The following SCML2 variants were observed in gnomAD, a reference collection of about 807,000 sequenced individuals.
SCML2 encodes the protein sex comb on midleg-like protein 2.
SCML2 carries 6 observed loss-of-function variants against 48.4 expected under a neutral mutation model. That is an observed-to-expected ratio of 0.12 (90% CI 0.07 to 0.24). The LOEUF (loss-of-function observed/expected upper bound fraction) is 0.24. Ranked by LOEUF, SCML2 falls within the 10% of genes least tolerant of loss-of-function variation. SCML2 has a pLI of 1.00. For synonymous variants in SCML2, 181 were observed against 189.5 expected (o/e 0.95, Z 0.37); for missense variants, 377 against 528.2 (o/e 0.71, Z 2.81).
chrX:18,262,160 A>G (rs1334842888), intron 8 of SCML2, among the ~76,000 whole-genome samples: 2 of 108,320 alleles, frequency 1.8e-5, no homozygotes, highest in African/African-American at 7.1e-5. Flanking sequence ...TAATTCAGTC[A>G]GCCACAAGAG....
At chrX:18,348,900 T>G (rs1465500266) in intron 1 of SCML2, among the ~76,000 whole-genome samples, 1 of 111,569 alleles carries the variant, frequency 9.0e-6, no homozygotes, top group South Asian at 3.7e-4. Flanking sequence ...CAGCTAAAAC[T>G]GATGAAAGGT....
chrX:18,242,581 T>C lies in SCML2; in HGVS notation c.1832A>G (p.Tyr611Cys). Reference protein sequence around the residue: ...QMQRKSEAPSYIAVPDPSVLK... With the variant: ...QMQRKSEAPSCIAVPDPSVLK... ...GACACTGGGATCAGGTACAGCTATATAACTTGGAGCTTCAATGGGGGGGAA... is the reference window on the plus strand; with the variant it reads ...GACACTGGGATCAGGTACAGCTATACAACTTGGAGCTTCAATGGGGGGGAA... The change falls in exon 14 of 15, where the codon TAT (tyrosine) becomes TGT (cysteine). Residue 611 changes from tyrosine (Y) to cysteine (C), a missense_variant. Tyr to Cys is a radical substitution (Grantham distance 194). Coordinates refer to ENST00000251900, the MANE Select transcript of SCML2 (RefSeq NM_006089.3). 8.3e-7 allele frequency: 1 copy of C among 1,204,378 alleles called. No homozygotes were observed. The highest frequency in any genetic ancestry group is 1.1e-6 in the Non-Finnish European group (1 of 893,363).
At position 18,311,998 on chromosome X, in the gene SCML2, G is replaced by A. The variant is rs771553700; in HGVS notation, c.487-6783C>T. On this transcript the variant is annotated intron_variant, in intron 6 of 14. Coordinates refer to ENST00000251900, the MANE Select transcript of SCML2 (RefSeq NM_006089.3). ...GTAGAGACAGGGTTTCACCCTGTTG[G>A]CCAGGCTGGTCTTGAACTCCTGACC... is the stretch of plus-strand genomic sequence containing the variant. 1.1e-4 allele frequency among the ~76,000 whole-genome samples: 12 copies of A among 111,670 alleles called. No homozygotes were observed. The South Asian group carries it at 4.5e-3, about 42-fold the overall frequency.
At chrX:18,288,839 T>C (rs1212995864) in intron 7 of SCML2, among the ~76,000 whole-genome samples, 1 of 111,993 alleles carries the variant, frequency 8.9e-6, no homozygotes, top group Non-Finnish European at 1.9e-5. Context: ...AAAGCCCATG[T>C]TGCCTGAGCA....
Position 18,246,786 on chromosome X carries a change from T to C in SCML2, c.1613A>G (p.Glu538Gly), listed in dbSNP as rs1569135870. The C allele has an allele frequency of 2.5e-6, 3 of 1,206,853 alleles. No individual in the cohort carries two copies. The highest frequency in any genetic ancestry group is 3.4e-6 in the Non-Finnish European group (3 of 892,347). The change falls in exon 13 of 15, where the codon GAG becomes GGG. Residue 538 changes from glutamate to glycine, a missense_variant. Glu to Gly is a moderately conservative substitution (Grantham distance 98, BLOSUM62 -2). Around this residue, in one of 3 missense-constraint regions of SCML2, gnomAD observed 299 missense variants for 425.5 expected, o/e 0.70. Transcript: ENST00000251900. ...GCTCTTAGAATCTTCTGAAAGATTC[T>C]CCTCTTTGGGAATGGCACTTCCCCC... ...FAGGSAIPKEENLSEDSKSSS... is the reference protein window; with the variant it reads ...FAGGSAIPKEGNLSEDSKSSS...
At chrX:18,299,575 A>C (rs962634119) in intron 7 of SCML2, among the ~76,000 whole-genome samples, 3 of 110,831 alleles carry the variant, frequency 2.7e-5, no homozygotes, top group Non-Finnish European at 5.7e-5. Flanking sequence ...CAATACATAC[A>C]AATGGCCAAC....
chrX:18,252,843 A>G (rs1052262526), intron 11 of SCML2, among the ~76,000 whole-genome samples: 2 of 112,416 alleles, frequency 1.8e-5, no homozygotes, highest in Non-Finnish European at 3.8e-5. Context: ...TCAGAAACTC[A>G]AACTCAGCTG....
chrX:18,271,787 C>A (rs1202873460), intron 7 of SCML2, among the ~76,000 whole-genome samples: 2 of 109,996 alleles, frequency 1.8e-5, no homozygotes, highest in Non-Finnish European at 3.8e-5. Context: ...TAGACCTTGG[C>A]AACCTAAGCA....
chrX:18,287,561 C>T (rs1192636658), intron 7 of SCML2, among the ~76,000 whole-genome samples: 1 of 111,947 alleles, frequency 8.9e-6, no homozygotes, highest in Non-Finnish European at 1.9e-5. Flanking sequence ...GGATAGTTCT[C>T]TAACCTGTAT....
chrX:18,289,678 C>T (rs946837700), intron 7 of SCML2, among the ~76,000 whole-genome samples: 5 of 111,879 alleles, frequency 4.5e-5, no homozygotes, highest in African/African-American at 9.8e-5. Context: ...GTGGCTGTAA[C>T]TGAACATACA....
chrX:18,244,116 C>T (rs1408772300), intron 13 of SCML2, among the ~76,000 whole-genome samples: 3 of 111,731 alleles, frequency 2.7e-5, no homozygotes, highest in South Asian at 3.7e-4. Flanking sequence ...AAACTCTATA[C>T]CAAAATATAT....
At position 18,330,643 on chromosome X, in the gene SCML2, A is replaced by T; in HGVS notation, c.35T>A (p.Val12Asp). The change falls in exon 3 of 15, where the codon GTC becomes GAC. Residue 12 changes from valine (V) to aspartate (D), a missense_variant. Transcript: ENST00000251900. ...AGTTTTCTCTTGATTCTCCTTCTTG[A>T]CATCCATGGAATCTAATAAAAAAGA... ...GQTVNEDSMD[V>D]KKENQEKTPQ... The T allele has an allele frequency of 8.6e-7, 1 of 1,157,706 alleles. No individual in the cohort carries two copies.
intron 1 of SCML2, among the ~76,000 whole-genome samples, chrX:18,344,921 ATAC>A (rs1414129689): frequency 9.0e-6 from 1 of 111,397 alleles, no homozygotes; most frequent in African/African-American, 3.3e-5. Flanking sequence ...GGCAGTGGTG[ATAC>A]TACTACTCAG....
chrX:18,257,099 A>C (rs1926876169), intron 10 of SCML2, 69 bp from the exon 11 acceptor site: 7 of 715,662 alleles, frequency 9.8e-6, no homozygotes, highest in Non-Finnish European at 1.4e-5. Context: ...ATTAAAAAAA[A>C]AACTATCACC....
At chrX:18,314,251 T>G (rs1191643719) in intron 6 of SCML2, among the ~76,000 whole-genome samples, 2 of 111,642 alleles carry the variant, frequency 1.8e-5, no homozygotes, top group East Asian at 5.6e-4. Context: ...CTTGCAACTC[T>G]GCCCCACTGG....
intron 1 of SCML2, chrX:18,341,238 G>C: frequency 1.5e-6 from 1 of 684,540 alleles, no homozygotes; most frequent in Non-Finnish European, 2.1e-6. Flanking sequence ...CCAGACATAG[G>C]GGAAATCGCC....
chrX:18,342,463 G>A (rs927992076), intron 1 of SCML2, among the ~76,000 whole-genome samples: 2 of 111,923 alleles, frequency 1.8e-5, no homozygotes, highest in Non-Finnish European at 3.8e-5. Context: ...TGTAATCCCA[G>A]CACTTTGGGA....
chrX:18,242,708 A>G, intron 13 of SCML2, 118 bp from the exon 14 acceptor site: 1 of 735,409 alleles, frequency 1.4e-6, no homozygotes. Flanking sequence ...GTTCCCCAAC[A>G]AGGTCTCAAG....
chrX:18,354,000 G>C (rs1321145958), intron 1 of SCML2, among the ~76,000 whole-genome samples: 1 of 112,286 alleles, frequency 8.9e-6, no homozygotes, highest in African/African-American at 3.2e-5. Context: ...AGCCCCGGAC[G>C]GGACGCGCAT....
Sources: gnomAD v4.1 joint callset for allele counts (sites outside exome capture counted in the v4.1 genomes callset) on GRCh38, gnomAD v4.1.1 for gene constraint, gnomAD v4.1.1 regional missense constraint, MANE v1.5 for transcripts, NCBI Gene and HGNC (gene_info 2026-07-23, HGNC 2026-07-21) for gene names.